Variants in KDM4C observed in about 807,000 individuals in gnomAD.
The protein encoded by KDM4C is lysine-specific demethylase 4C.
A neutral mutation model predicts 129.3 loss-of-function variants in KDM4C; 81 were observed. The observed-to-expected ratio is 0.63, with a 90% CI of 0.52 to 0.75. KDM4C has a LOEUF of 0.75. Ranked by LOEUF, KDM4C falls within the 30% of genes least tolerant of loss-of-function variation. The pLI, the probability that KDM4C is intolerant of heterozygous loss-of-function variation, is 0.00. For synonymous variants in KDM4C, 573 were observed against 456.1 expected (o/e 1.26, Z -3.26); for missense variants, 1,457 against 1,304.0 (o/e 1.12, Z -1.81).
chr9:7,091,902 T>G (rs1021914808), intron 17 of KDM4C, among the ~76,000 whole-genome samples: 9 of 152,292 alleles, frequency 5.9e-5, no homozygotes, highest in Non-Finnish European at 8.8e-5. Flanking sequence ...CTGACACAGG[T>G]CTCAGACCCT....
At chr9:6,792,556 G>A (rs1046023128) in intron 1 of KDM4C, among the ~76,000 whole-genome samples, 1 of 151,676 alleles carries the variant, frequency 6.6e-6, no homozygotes, top group African/African-American at 2.4e-5. Flanking sequence ...ACCCGGCTAA[G>A]TTTTGTATTT....
intron 4 of KDM4C, among the ~76,000 whole-genome samples, chr9:6,833,889 C>T (rs1287692522): frequency 1.3e-5 from 2 of 152,286 alleles, no homozygotes; most frequent in African/African-American, 2.4e-5. Context: ...TGACATCTGT[C>T]AGAGCCGTGA....
At chr9:6,976,110 A>G (rs1832871799) in intron 8 of KDM4C, among the ~76,000 whole-genome samples, 1 of 152,188 alleles carries the variant, frequency 6.6e-6, no homozygotes, top group Non-Finnish European at 1.5e-5. Context: ...ACGTATCTGA[A>G]CTTGCACAGA....
intron 15 of KDM4C, among the ~76,000 whole-genome samples, chr9:7,022,637 C>CTTTTTTTTTTTTTTTTTTTTTT (rs375675040): frequency 7.5e-6 from 1 of 133,960 alleles, no homozygotes; most frequent in African/African-American, 2.7e-5. Flanking sequence ...CCCTTTATTT[C>CTTTTTTTTTTTTTTTTTTTTTT]TTTTTTTTTT....
intron 8 of KDM4C, among the ~76,000 whole-genome samples, chr9:6,896,953 A>C (rs999926906): frequency 6.6e-6 from 1 of 152,130 alleles, no homozygotes; most frequent in African/African-American, 2.4e-5. Context: ...TTGATATGTG[A>C]TAGTTGTTCA....
At chr9:7,095,070 T>G (rs1188414037) in intron 17 of KDM4C, among the ~76,000 whole-genome samples, 1 of 152,216 alleles carries the variant, frequency 6.6e-6, no homozygotes, top group African/African-American at 2.4e-5. Flanking sequence ...AGCAGGAATA[T>G]CTACAAAGGT....
rs925637993 is a variant in KDM4C, at chr9:6,840,265, G to T, written c.436-9242G>T. 3.9e-5 allele frequency among the ~76,000 whole-genome samples: 6 copies of T among 152,016 alleles called. No individual in the cohort carries two copies. In the East Asian group the frequency reaches 1.2e-3, roughly 30 times the overall value. ...TTATTGTGTATTTTATAGAAATGGG[G>T]TTTTGCTATGTTGTCCTGGCTAGTC... On this transcript the variant is annotated intron_variant, in intron 4 of 21. Coordinates refer to ENST00000381309, the MANE Select transcript of KDM4C (RefSeq NM_015061.6).
intron 8 of KDM4C, among the ~76,000 whole-genome samples, chr9:6,906,276 A>C (rs1475313709): frequency 6.6e-6 from 1 of 152,132 alleles, no homozygotes; most frequent in Non-Finnish European, 1.5e-5. Context: ...TCTTAGAAGT[A>C]ATTATTATTA....
At chr9:6,987,463 G>C (rs958538328) in intron 11 of KDM4C, among the ~76,000 whole-genome samples, 4 of 152,176 alleles carry the variant, frequency 2.6e-5, no homozygotes, top group Non-Finnish European at 5.9e-5. Flanking sequence ...GCGATTGTCA[G>C]AATTCAGTAC....
rs551430549 is a variant in KDM4C at position 6,760,541 on chromosome 9, T to C, written c.-18+2338T>C. On this transcript the variant is annotated intron_variant, in intron 1 of 21. Coordinates refer to ENST00000381309, the MANE Select transcript of KDM4C (RefSeq NM_015061.6). ...GATAGTTAGTCTTGGGTGATACTCT[T>C]TTTTATTTATTTATTTATTTATTTA... Among the ~76,000 whole-genome samples, 18 of 142,868 alleles carry C rather than the reference T, an allele frequency of 1.3e-4. No individual in the cohort carries two copies. The East Asian group carries it at 3.7e-3, about 30-fold the overall frequency. 93.7% of individuals were successfully genotyped at this position (142,868 alleles called of 152,430 possible).
intron 19 of KDM4C, among the ~76,000 whole-genome samples, chr9:7,141,379 C>CAAA (rs1301139046): frequency 6.6e-6 from 1 of 152,062 alleles, no homozygotes; most frequent in African/African-American, 2.4e-5. Flanking sequence ...ACAACAACAA[C>CAAA]AACATAAGGT....
intron 5 of KDM4C, among the ~76,000 whole-genome samples, chr9:6,870,748 G>T (rs1028486983): frequency 1.1e-4 from 16 of 152,086 alleles, no homozygotes; most frequent in African/African-American, 3.9e-4. Flanking sequence ...CTTCTTCACA[G>T]GGGATGATTG....
chr9:6,879,136 A>G (rs1290916479), intron 5 of KDM4C, among the ~76,000 whole-genome samples: 3 of 152,224 alleles, frequency 2.0e-5, no homozygotes, highest in African/African-American at 4.8e-5. Context: ...AACTTGTACT[A>G]AGTATATATT....
At chr9:7,013,681 A>G (rs893312803) in intron 13 of KDM4C, 107 bp from the exon 14 acceptor site, 5 of 1,056,278 alleles carry the variant, frequency 4.7e-6, no homozygotes. Context: ...CAGGAAGAAC[A>G]AAAGTTAGAA....
At chr9:6,865,952 C>A (rs1389218373) in intron 5 of KDM4C, among the ~76,000 whole-genome samples, 7 of 151,656 alleles carry the variant, frequency 4.6e-5, no homozygotes, top group Admixed American at 3.3e-4. Context: ...ACAGGGTTTC[C>A]CCGTGTTAGC....
upstream of KDM4C, among the ~76,000 whole-genome samples, chr9:6,754,127 C>T (rs1441588360): frequency 2.0e-5 from 3 of 151,826 alleles, no homozygotes; most frequent in African/African-American, 4.8e-5. Context: ...CCGCCCGCCT[C>T]GGCCTCCCAA....
At chr9:6,744,064 TA>T in intron 1 of KDM4C, among the ~76,000 whole-genome samples, 1 of 103,676 alleles carries the variant, frequency 9.6e-6, no homozygotes, top group East Asian at 3.4e-4. Context: ...CAGTTCTATG[TA>T]AAAAATCAGC....
At chr9:6,835,253 G>A (rs1392265654) in intron 4 of KDM4C, 2 of 904,128 alleles carry the variant, frequency 2.2e-6, no homozygotes, top group Non-Finnish European at 3.8e-6. Flanking sequence ...TCCTTCCTGG[G>A]CATGGAATCC....
chr9:7,010,519 A>G (rs951578937), intron 12 of KDM4C, among the ~76,000 whole-genome samples: 1 of 152,216 alleles, frequency 6.6e-6, no homozygotes, highest in Non-Finnish European at 1.5e-5. Flanking sequence ...TTTGTAGTTA[A>G]GCACATTGCT....
Sources: allele counts gnomAD v4.1 joint callset (sites outside exome capture counted in the v4.1 genomes callset), GRCh38; gene constraint gnomAD v4.1.1; transcripts MANE v1.5; gene names NCBI Gene and HGNC (gene_info 2026-07-23, HGNC 2026-07-21).